Variants in KAZN observed in about 807,000 individuals in gnomAD.
The protein encoded by KAZN is kazrin, periplakin interacting protein.
KAZN carries 40 observed loss-of-function variants against 87.4 expected under a neutral mutation model. The ratio of observed to expected loss-of-function variants is 0.46; its 90% CI spans 0.36 to 0.60. KAZN has a LOEUF of 0.60. Ranked by LOEUF, KAZN falls within the 20% of genes least tolerant of loss-of-function variation. KAZN has a pLI of 0.00. For missense variants in KAZN, 898 were observed against 1,073.9 expected (o/e 0.84, Z 2.29); for synonymous variants, 466 against 458.3 (o/e 1.02, Z -0.22).
chr1:14,048,756 A>G (rs1024314666), intron 1 of KAZN, among the ~76,000 whole-genome samples: 1 of 152,184 alleles, frequency 6.6e-6, no homozygotes, highest in Admixed American at 6.5e-5. Flanking sequence ...AAAACCTTTC[A>G]ATGATTTATA....
At chr1:13,935,402 A>T (rs12038482) in intron 1 of KAZN, among the ~76,000 whole-genome samples, 117,208 of 152,050 alleles carry the variant, frequency 0.77, 45,385 homozygotes, top group South Asian at 0.92. Flanking sequence ...AACAACTGGG[A>T]AGGGCAGAAA....
chr1:14,294,885 C>T (rs1281039851), intron 2 of KAZN, among the ~76,000 whole-genome samples: 2 of 151,082 alleles, frequency 1.3e-5, no homozygotes, highest in Non-Finnish European at 2.9e-5. Flanking sequence ...ACTCCTTGGC[C>T]AAGCTCATTC....
intron 2 of KAZN, among the ~76,000 whole-genome samples, chr1:14,321,491 A>C (rs1656048931): frequency 1.3e-5 from 2 of 152,164 alleles, no homozygotes; most frequent in African/African-American, 2.4e-5. Context: ...CAGCATTTTT[A>C]AGCCTAAGTC....
At chr1:14,148,509 T>C (rs931275624) in intron 1 of KAZN, among the ~76,000 whole-genome samples, 2 of 152,236 alleles carry the variant, frequency 1.3e-5, no homozygotes, top group Non-Finnish European at 2.9e-5. Context: ...ATTGCTACAG[T>C]ACCCCTTTCT....
chr1:13,936,773 AT>A (rs1640758701), intron 1 of KAZN, among the ~76,000 whole-genome samples: 1 of 152,114 alleles, frequency 6.6e-6, no homozygotes, highest in Non-Finnish European at 1.5e-5. Flanking sequence ...GGTTATGTCG[AT>A]TTCATGACTT....
intron 1 of KAZN, among the ~76,000 whole-genome samples, chr1:14,792,283 G>A (rs1645696980): frequency 6.6e-6 from 1 of 152,194 alleles, no homozygotes; most frequent in African/African-American, 2.4e-5. Context: ...GTGCAGGGAG[G>A]CAGATAAGAA....
intron 1 of KAZN, among the ~76,000 whole-genome samples, chr1:14,142,019 A>C (rs933212244): frequency 6.6e-6 from 1 of 151,864 alleles, no homozygotes; most frequent in Non-Finnish European, 1.5e-5. Context: ...TTTGATGGGA[A>C]ATCCGTGTAA....
At chr1:14,083,042 A>G (rs1447038466) in intron 1 of KAZN, among the ~76,000 whole-genome samples, 1 of 152,184 alleles carries the variant, frequency 6.6e-6, no homozygotes, top group Non-Finnish European at 1.5e-5. Flanking sequence ...AATACAAAAA[A>G]TTAGCCGGGT....
chr1:14,100,275 G>A (rs753555606), intron 1 of KAZN, among the ~76,000 whole-genome samples: 1 of 152,142 alleles, frequency 6.6e-6, no homozygotes, highest in African/African-American at 2.4e-5. Flanking sequence ...AGGCATACAC[G>A]GAGTCAATGA....
At chr1:14,337,957 T>C (rs1264832664) in intron 2 of KAZN, among the ~76,000 whole-genome samples, 1 of 151,884 alleles carries the variant, frequency 6.6e-6, no homozygotes, top group Admixed American at 6.6e-5. Flanking sequence ...CATCTGCTGC[T>C]GTCACTCTTG....
At chr1:14,393,470 T>C (rs1436250041) in intron 2 of KAZN, among the ~76,000 whole-genome samples, 1 of 152,172 alleles carries the variant, frequency 6.6e-6, no homozygotes, top group Non-Finnish European at 1.5e-5. Flanking sequence ...GGATCCTCTG[T>C]GTGCCTTTGG....
chr1:14,575,881 T>C (rs768034786), intron 2 of KAZN, among the ~76,000 whole-genome samples: 1 of 152,204 alleles, frequency 6.6e-6, no homozygotes, highest in Non-Finnish European at 1.5e-5. Flanking sequence ...ACCTTTATTG[T>C]CCACCATTAT....
At chr1:14,685,415 G>A (rs1333495484) in intron 1 of KAZN, among the ~76,000 whole-genome samples, 1 of 152,228 alleles carries the variant, frequency 6.6e-6, no homozygotes, top group East Asian at 1.9e-4. Flanking sequence ...GAAGGCCTCA[G>A]ATGAAGAAAT....
intron 1 of KAZN, among the ~76,000 whole-genome samples, chr1:14,665,398 G>T (rs1220157489): frequency 2.0e-5 from 3 of 151,964 alleles, no homozygotes; most frequent in Non-Finnish European, 4.4e-5. Flanking sequence ...GACATTTATC[G>T]ACTCTGCTGA....
At chr1:14,974,637 T>G (rs1214727363) in intron 2 of KAZN, among the ~76,000 whole-genome samples, 1 of 152,174 alleles carries the variant, frequency 6.6e-6, no homozygotes, top group Admixed American at 6.5e-5. Flanking sequence ...TACTCAGTAA[T>G]AAAGCAACAA....
At chr1:15,101,225 CCTTT>C (rs1641054783) in intron 10 of KAZN, among the ~76,000 whole-genome samples, 1 of 141,236 alleles carries the variant, frequency 7.1e-6, no homozygotes. Flanking sequence ...TCCCTCTGCT[CCTTT>C]CTCTCAGTGT....
chr1:14,171,326 A>G (rs1645950030), intron 1 of KAZN, among the ~76,000 whole-genome samples: 8 of 151,854 alleles, frequency 5.3e-5, no homozygotes, highest in Admixed American at 5.2e-4. Context: ...TTCCTGGCTC[A>G]TAAGAAAATT....
intron 1 of KAZN, among the ~76,000 whole-genome samples, chr1:13,959,049 C>T (rs748684524): frequency 6.6e-6 from 1 of 152,164 alleles, no homozygotes; most frequent in Non-Finnish European, 1.5e-5. Context: ...TTCACTCCCA[C>T]CATCATGAAT....
intron 2 of KAZN, among the ~76,000 whole-genome samples, chr1:14,987,706 C>T (rs1361028647): frequency 1.3e-5 from 2 of 152,102 alleles, no homozygotes; most frequent in Admixed American, 6.6e-5. Context: ...CACTTTCATG[C>T]GGGGCTCTGC....
Sources: gnomAD v4.1 joint callset for allele counts (sites outside exome capture counted in the v4.1 genomes callset) on GRCh38, gnomAD v4.1.1 for gene constraint, MANE v1.5 for transcripts, NCBI Gene and HGNC (gene_info 2026-07-23, HGNC 2026-07-21) for gene names.